Variants in RBM47 observed in about 807,000 individuals in gnomAD.
The protein encoded by RBM47 is RNA binding motif protein 47.
RBM47 carries 21 observed loss-of-function variants against 47.1 expected under a neutral mutation model. That is an observed-to-expected ratio of 0.45 (90% confidence interval 0.32 to 0.64). The LOEUF (loss-of-function observed/expected upper bound fraction) is 0.64, where lower values mean the gene tolerates loss of function less well. Among genes scored for constraint, RBM47 ranks in the 30% least tolerant of loss-of-function variants. RBM47 has a pLI of 0.05. For missense variants in RBM47, 708 were observed against 870.9 expected, an observed-to-expected ratio of 0.81 and a Z score of 2.35; for synonymous variants, 375 against 361.7, an observed-to-expected ratio of 1.04 and a Z score of -0.42.
chr4:40,573,214 A>T (rs1731912935), intron 1 of RBM47, among the ~76,000 whole-genome samples: 1 of 151,840 alleles, frequency 6.6e-6, no homozygotes, highest in Non-Finnish European at 1.5e-5. Flanking sequence ...GAACTGAAGA[A>T]GAGAAATCTA....
intron 2 of RBM47, among the ~76,000 whole-genome samples, chr4:40,471,356 T>A (rs1718836954): frequency 6.6e-6 from 1 of 152,190 alleles, no homozygotes; most frequent in African/African-American, 2.4e-5. Flanking sequence ...CACTCAGGCC[T>A]GCTGCAATCA....
At chr4:40,450,188 C>T (rs1045089986) in intron 3 of RBM47, among the ~76,000 whole-genome samples, 9 of 152,050 alleles carry the variant, frequency 5.9e-5, no homozygotes, top group Non-Finnish European at 1.3e-4. Context: ...AGGGATCTGG[C>T]AAGGAACAGA....
At chr4:40,475,038 T>C (rs1043533604) in intron 2 of RBM47, among the ~76,000 whole-genome samples, 2 of 152,170 alleles carry the variant, frequency 1.3e-5, no homozygotes, top group African/African-American at 2.4e-5. Flanking sequence ...GAATAGCATA[T>C]AAAATATAAC....
At position 40,424,956 on chromosome 4, in the gene RBM47, G is replaced by A. The variant is rs1285183059; in HGVS notation, c.*948C>T. 6.7e-6 allele frequency: 1 copy of A among 148,600 alleles called. No individual in the cohort carries two copies. The highest frequency in any genetic ancestry group is 1.5e-5 in the Non-Finnish European group (1 of 67,608). 9.2% of individuals were successfully genotyped at this position (148,600 alleles called of 1,614,324 possible). ...TCTGCTACTGAAAATAGCACACGTA[G>A]AAGACAATACTTCCCCAACCAAACA... On this transcript the variant is annotated 3_prime_UTR_variant, in exon 7 of 7. Transcript: ENST00000295971.
At chr4:40,626,894 C>T (rs949321938) in intron 1 of RBM47, among the ~76,000 whole-genome samples, 1 of 152,174 alleles carries the variant, frequency 6.6e-6, no homozygotes, top group Non-Finnish European at 1.5e-5. Flanking sequence ...CTTGAGGTGG[C>T]AACTGAGCAA....
At chr4:40,470,796 G>A (rs1263133645) in intron 2 of RBM47, among the ~76,000 whole-genome samples, 1 of 152,106 alleles carries the variant, frequency 6.6e-6, no homozygotes, top group African/African-American at 2.4e-5. Flanking sequence ...AGGCTGGAGT[G>A]CAGTGGCGTG....
chr4:40,453,029 C>T lies in RBM47; in HGVS notation c.-32+13548G>A, dbSNP rs141435307. Among the ~76,000 whole-genome samples the T allele has an allele frequency of 9.8e-4, 149 of 151,710 alleles. 2 individuals carry two copies. In the East Asian group the frequency reaches 0.025, roughly 26 times the overall value. ...CAGCTAATTTTTGTATTTTTAGAGA[C>T]GGGGTTTCACCATGTTGGCCAGGAT... On this transcript the variant is annotated intron_variant, in intron 3 of 6. Transcript: ENST00000295971.
chr4:40,481,922 C>T (rs942141586), intron 2 of RBM47, among the ~76,000 whole-genome samples: 8 of 151,986 alleles, frequency 5.3e-5, no homozygotes, highest in East Asian at 2.0e-4. Context: ...TGACCTCAGG[C>T]GATCCACCGG....
intron 3 of RBM47, among the ~76,000 whole-genome samples, chr4:40,457,308 A>G (rs1477341694): frequency 6.6e-6 from 1 of 151,338 alleles, no homozygotes; most frequent in African/African-American, 2.4e-5. Flanking sequence ...TGTAATCCCA[A>G]CTACTTGGGA....
chr4:40,508,997 C>T (rs148377543), intron 2 of RBM47, among the ~76,000 whole-genome samples: 6 of 151,950 alleles, frequency 3.9e-5, no homozygotes, highest in African/African-American at 1.5e-4. Flanking sequence ...CCTGTCTCTA[C>T]TAAAAATACA....
intron 1 of RBM47, among the ~76,000 whole-genome samples, chr4:40,578,408 C>T (rs1234100788): frequency 6.6e-6 from 1 of 152,186 alleles, no homozygotes; most frequent in East Asian, 1.9e-4. Flanking sequence ...TTGCCCGATT[C>T]TAGAAACTCA....
At chr4:40,478,038 A>G (rs1167993354) in intron 2 of RBM47, among the ~76,000 whole-genome samples, 1 of 122,878 alleles carries the variant, frequency 8.1e-6, no homozygotes, top group African/African-American at 3.4e-5. Context: ...TTTTTGAGAC[A>G]GAGTTTTGCT....
At chr4:40,623,254 G>T (rs1299129725) in intron 1 of RBM47, among the ~76,000 whole-genome samples, 1 of 152,176 alleles carries the variant, frequency 6.6e-6, no homozygotes, top group Admixed American at 6.5e-5. Flanking sequence ...AAAAGCAAAG[G>T]AGGTCCCTGG....
intron 2 of RBM47, among the ~76,000 whole-genome samples, chr4:40,541,110 G>A (rs914783934): frequency 4.0e-5 from 6 of 151,194 alleles, no homozygotes; most frequent in East Asian, 1.9e-4. Flanking sequence ...GAAACATGGC[G>A]AGACCTCATC....
chr4:40,558,218 C>T (rs1164274612), intron 1 of RBM47, among the ~76,000 whole-genome samples: 2 of 152,128 alleles, frequency 1.3e-5, no homozygotes, highest in Non-Finnish European at 2.9e-5. Flanking sequence ...GGGATTTCTC[C>T]TCTTAAATTA....
At chr4:40,442,692 T>A (rs1713841258) in intron 3 of RBM47, among the ~76,000 whole-genome samples, 1 of 152,326 alleles carries the variant, frequency 6.6e-6, no homozygotes, top group East Asian at 1.9e-4. Context: ...TTTTGCTTTT[T>A]TTTTAGACAG....
At chr4:40,607,004 G>T (rs1472514224) in intron 1 of RBM47, among the ~76,000 whole-genome samples, 1 of 152,074 alleles carries the variant, frequency 6.6e-6, no homozygotes, top group Non-Finnish European at 1.5e-5. Flanking sequence ...GCAAACATAT[G>T]TGTTACTTTA....
intron 1 of RBM47, among the ~76,000 whole-genome samples, chr4:40,547,908 C>A (rs1729178982): frequency 6.6e-6 from 1 of 152,230 alleles, no homozygotes; most frequent in Non-Finnish European, 1.5e-5. Context: ...AGGCCAGGCC[C>A]TATGCCAGGC....
At chr4:40,562,917 T>C (rs1730771407) in intron 1 of RBM47, among the ~76,000 whole-genome samples, 1 of 152,202 alleles carries the variant, frequency 6.6e-6, no homozygotes, top group African/African-American at 2.4e-5. Flanking sequence ...TAGGTGAGCA[T>C]TATGCTCCAA....
Sources: allele counts gnomAD v4.1 joint callset (sites outside exome capture counted in the v4.1 genomes callset), GRCh38; gene constraint gnomAD v4.1.1; transcripts MANE v1.5; gene names NCBI Gene and HGNC (gene_info 2026-07-23, HGNC 2026-07-21).